XKR4: variants seen among roughly 807,000 people sequenced by gnomAD.
XKR4 encodes XK related 4.
Under a neutral mutation model 53.9 loss-of-function variants are expected in XKR4, and 12 were observed. The ratio of observed to expected loss-of-function variants is 0.22; its 90% confidence interval spans 0.14 to 0.36. The LOEUF (loss-of-function observed/expected upper bound fraction) is 0.36. Among genes scored for constraint, XKR4 ranks in the 10% least tolerant of loss-of-function variants. The probability of loss-of-function intolerance (pLI) is 1.00; values close to 1 mark genes in which losing one functional copy is unlikely to be tolerated. For missense variants in XKR4, 799 were observed against 859.5 expected, an observed-to-expected ratio of 0.93 and a Z score of 0.88; for synonymous variants, 354 against 362.4, an observed-to-expected ratio of 0.98 and a Z score of 0.26.
intron 1 of XKR4, among the ~76,000 whole-genome samples, chr8:55,178,308 C>T (rs555502496): frequency 7.0e-4 from 107 of 152,214 alleles, no homozygotes; most frequent in Middle Eastern, 3.4e-3. Flanking sequence ...GCTTTGAAGA[C>T]CAGCTATACC....
intron 1 of XKR4, among the ~76,000 whole-genome samples, chr8:55,302,965 T>C (rs1819226256): frequency 6.6e-6 from 1 of 152,228 alleles, no homozygotes; most frequent in South Asian, 2.1e-4. Context: ...GACTTCCTCT[T>C]TTCCTAATTG....
chr8:55,440,983 G>T (rs561879717), intron 2 of XKR4, among the ~76,000 whole-genome samples: 1 of 151,470 alleles, frequency 6.6e-6, no homozygotes, highest in South Asian at 2.1e-4. Flanking sequence ...CAGAGCTGTG[G>T]CAGGAAGATT....
chr8:55,479,894 T>C (rs1447155804), intron 2 of XKR4, among the ~76,000 whole-genome samples: 1 of 152,088 alleles, frequency 6.6e-6, no homozygotes, highest in Non-Finnish European at 1.5e-5. Flanking sequence ...CTCTGAAAAT[T>C]GTGGCAATAA....
intron 2 of XKR4, among the ~76,000 whole-genome samples, chr8:55,383,744 G>T (rs1563337389): frequency 6.6e-6 from 1 of 152,068 alleles, no homozygotes; most frequent in Non-Finnish European, 1.5e-5. Context: ...ATCTGAGTCT[G>T]CTTAGAAGAT....
rs565016125 is a variant in XKR4 at position 55,298,821 on chromosome 8, G to A, written c.807-58857G>A. On this transcript the variant is annotated intron_variant, in intron 1 of 2. Coordinates refer to ENST00000327381, the MANE Select transcript of XKR4 (RefSeq NM_052898.2). ...GTCATGCAAATATAAACACATATATGTGTGTAAAATTTTTTCTGAGCTATT... is the reference window on the plus strand; with the variant it reads ...GTCATGCAAATATAAACACATATATATGTGTAAAATTTTTTCTGAGCTATT... Among the ~76,000 whole-genome samples the A allele has an allele frequency of 2.0e-5, 3 of 152,218 alleles. No homozygotes were observed. The South Asian group carries it at 6.2e-4, about 32-fold the overall frequency.
intron 1 of XKR4, among the ~76,000 whole-genome samples, chr8:55,258,209 C>A (rs1466288274): frequency 1.3e-5 from 2 of 152,216 alleles, no homozygotes; most frequent in African/African-American, 4.8e-5. Flanking sequence ...AAAGCAGTGT[C>A]TTCCCGAGGG....
chr8:55,223,283 A>T (rs988713372), intron 1 of XKR4, among the ~76,000 whole-genome samples: 9 of 152,150 alleles, frequency 5.9e-5, no homozygotes, highest in Non-Finnish European at 1.3e-4. Flanking sequence ...AGATCTATAG[A>T]TGCCTCCCAT....
chr8:55,511,181 A>AC (rs781660478), intron 2 of XKR4, among the ~76,000 whole-genome samples: 33 of 152,122 alleles, frequency 2.2e-4, no homozygotes, highest in Admixed American at 9.8e-4. Context: ...GTCCCTTCCC[A>AC]CCCCAGACAC....
intron 2 of XKR4, among the ~76,000 whole-genome samples, chr8:55,394,949 A>G (rs1358539521): frequency 6.6e-6 from 1 of 152,218 alleles, no homozygotes; most frequent in Admixed American, 6.5e-5. Context: ...TCCAGCAGAT[A>G]CTACCAAGAT....
intron 1 of XKR4, among the ~76,000 whole-genome samples, chr8:55,259,576 C>T (rs1222230003): frequency 6.6e-6 from 1 of 152,032 alleles, no homozygotes; most frequent in African/African-American, 2.4e-5. Flanking sequence ...TGGGGACCCT[C>T]GCTTGATGTG....
intron 2 of XKR4, among the ~76,000 whole-genome samples, chr8:55,396,166 ATG>A (rs1239394010): frequency 6.6e-6 from 1 of 152,168 alleles, no homozygotes; most frequent in East Asian, 1.9e-4. Context: ...CTTCCACAAA[ATG>A]TTTTACCACT....
intron 1 of XKR4, among the ~76,000 whole-genome samples, chr8:55,105,446 A>G (rs1248936883): frequency 1.3e-5 from 2 of 152,170 alleles, no homozygotes; most frequent in Non-Finnish European, 2.9e-5. Flanking sequence ...ACTGACCCAG[A>G]CTTGGAGAAA....
chr8:55,271,042 C>T (rs540950508), intron 1 of XKR4, among the ~76,000 whole-genome samples: 1 of 152,278 alleles, frequency 6.6e-6, no homozygotes, highest in Non-Finnish European at 1.5e-5. Flanking sequence ...GAACGAAGAA[C>T]ATGCATGTTG....
chr8:55,109,884 C>T (rs1055132091), intron 1 of XKR4, among the ~76,000 whole-genome samples: 5 of 152,286 alleles, frequency 3.3e-5, no homozygotes, highest in Admixed American at 2.6e-4. Flanking sequence ...TATCCAAGCA[C>T]ACAACTTGCT....
At chr8:55,256,606 T>C (rs1232372420) in intron 1 of XKR4, among the ~76,000 whole-genome samples, 1 of 152,168 alleles carries the variant, frequency 6.6e-6, no homozygotes, top group Non-Finnish European at 1.5e-5. Flanking sequence ...GGGTATTTTC[T>C]CCATTGAGAG....
At chr8:55,139,897 TTTAC>T (rs1816680518) in intron 1 of XKR4, among the ~76,000 whole-genome samples, 1 of 152,180 alleles carries the variant, frequency 6.6e-6, no homozygotes, top group Admixed American at 6.5e-5. Flanking sequence ...ATAAAACCTT[TTTAC>T]TTAATTAAAT....
chr8:55,235,697 C>A lies in XKR4; in HGVS notation c.807-121981C>A, dbSNP rs117046141. On this transcript the variant is annotated intron_variant, in intron 1 of 2. Transcript: ENST00000327381. Reference sequence around the variant, plus strand: ...CCTTTAACAAAAAAGAGAGTTCAGACCTGAAGGCAAAGCTTGGCATGAAAT... The same window carrying A: ...CCTTTAACAAAAAAGAGAGTTCAGAACTGAAGGCAAAGCTTGGCATGAAAT... Among the ~76,000 whole-genome samples, 12 of 152,174 alleles carry A rather than the reference C, an allele frequency of 7.9e-5. 1 individual carries two copies. In the East Asian group the frequency reaches 2.3e-3, roughly 29 times the overall value.
At chr8:55,164,180 A>G in intron 1 of XKR4, 1 of 456,590 alleles carries the variant, frequency 2.2e-6, no homozygotes, top group Non-Finnish European at 4.4e-6. Context: ...GGCCCAGCAC[A>G]CAGGTTGCCT....
chr8:55,302,157 T>C (rs1184948222), intron 1 of XKR4, among the ~76,000 whole-genome samples: 1 of 152,190 alleles, frequency 6.6e-6, no homozygotes, highest in Non-Finnish European at 1.5e-5. Flanking sequence ...TAATCCATCT[T>C]GAATTAATTT....
Sources: allele counts gnomAD v4.1 joint callset (sites outside exome capture counted in the v4.1 genomes callset), GRCh38; gene constraint gnomAD v4.1.1; transcripts MANE v1.5; gene names NCBI Gene and HGNC (gene_info 2026-07-23, HGNC 2026-07-21).